The following EEFSEC variants were observed in gnomAD, a reference collection of about 807,000 sequenced individuals.
EEFSEC encodes eukaryotic elongation factor, selenocysteine-tRNA specific, also known as selenocysteine-specific elongation factor.
EEFSEC carries 43 observed loss-of-function variants against 42.1 expected under a neutral mutation model. That is an observed-to-expected ratio of 1.02 (90% CI 0.80 to 1.32). The LOEUF is 1.32. Among genes scored for constraint, EEFSEC ranks in the 40% most tolerant of loss-of-function variants. EEFSEC has a pLI of 0.00. For missense variants in EEFSEC, 745 were observed against 803.6 expected (o/e 0.93, Z 0.88); for synonymous variants, 354 against 339.1 (o/e 1.04, Z -0.48).
At chr3:128,257,407 C>T (rs1160051792) in intron 2 of EEFSEC, among the ~76,000 whole-genome samples, 1 of 152,160 alleles carries the variant, frequency 6.6e-6, no homozygotes, top group Non-Finnish European at 1.5e-5. Context: ...TATGTTCTGC[C>T]CAGCTCGTCT....
chr3:128,358,159 A>C, intron 5 of EEFSEC, 58 bp from the exon 6 acceptor site: 13 of 1,583,924 alleles, frequency 8.2e-6, no homozygotes, highest in East Asian at 2.3e-5. Flanking sequence ...ACACAGTCAC[A>C]GCTCTTTCAG....
intron 4 of EEFSEC, among the ~76,000 whole-genome samples, chr3:128,294,499 A>G (rs933402732): frequency 2.1e-4 from 32 of 152,234 alleles, no homozygotes; most frequent in African/African-American, 7.5e-4. Context: ...GGAGAGTTTC[A>G]GAAGTTGTGC....
intron 6 of EEFSEC, among the ~76,000 whole-genome samples, chr3:128,388,628 T>C (rs2067871001): frequency 6.6e-6 from 1 of 152,222 alleles, no homozygotes; most frequent in Non-Finnish European, 1.5e-5. Context: ...CACTGCTGTG[T>C]AAGGCCCATT....
At chr3:128,207,828 G>A (rs1355408023) in intron 1 of EEFSEC, among the ~76,000 whole-genome samples, 1 of 152,092 alleles carries the variant, frequency 6.6e-6, no homozygotes, top group Admixed American at 6.5e-5. Context: ...ACGGACCCCT[G>A]AGAATTTCTG....
chr3:128,332,104 T>C (rs1298162354), intron 4 of EEFSEC, among the ~76,000 whole-genome samples: 1 of 152,194 alleles, frequency 6.6e-6, no homozygotes, highest in African/African-American at 2.4e-5. Flanking sequence ...GAATACCATA[T>C]ATATGTTATT....
chr3:128,351,778 G>C (rs757193934), intron 5 of EEFSEC, among the ~76,000 whole-genome samples: 1 of 152,216 alleles, frequency 6.6e-6, no homozygotes, highest in Non-Finnish European at 1.5e-5. Flanking sequence ...ACTTCCATGT[G>C]CACAGTGACT....
rs556093695 is a variant in EEFSEC at position 128,303,943 on chromosome 3, A to G, written c.787-37290A>G. Among the ~76,000 whole-genome samples, 33 of 152,238 alleles carry G rather than the reference A, an allele frequency of 2.2e-4. 1 individual carries two copies. The highest frequency in any genetic ancestry group is 7.7e-4 in the African/African-American group (32 of 41,552). ...GTTGGTAATCCTTCTTTTACTCCCG[A>G]TTTAAAATGCTACCTTTGTTAAGAA... On this transcript the variant is annotated intron_variant, in intron 4 of 6. Coordinates refer to ENST00000254730, the MANE Select transcript of EEFSEC (RefSeq NM_021937.5).
chr3:128,338,307 G>A (rs2067212917), intron 4 of EEFSEC, among the ~76,000 whole-genome samples: 1 of 152,176 alleles, frequency 6.6e-6, no homozygotes, highest in African/African-American at 2.4e-5. Context: ...GGGGCAGGTG[G>A]GAATGCTGAG....
At chr3:128,374,129 G>A (rs2067684076) in intron 6 of EEFSEC, among the ~76,000 whole-genome samples, 1 of 152,238 alleles carries the variant, frequency 6.6e-6, no homozygotes, top group Non-Finnish European at 1.5e-5. Flanking sequence ...TGGAAACCAT[G>A]AGTATGAAGT....
intron 1 of EEFSEC, among the ~76,000 whole-genome samples, chr3:128,171,188 T>C (rs144937990): frequency 1.3e-5 from 2 of 152,282 alleles, no homozygotes; most frequent in African/African-American, 2.4e-5. Context: ...TCAGCATAGT[T>C]AAAATGACCT....
At chr3:128,272,290 G>A (rs2066422243) in intron 4 of EEFSEC, among the ~76,000 whole-genome samples, 1 of 152,232 alleles carries the variant, frequency 6.6e-6, no homozygotes, top group Non-Finnish European at 1.5e-5. Flanking sequence ...TCCCCTGGCA[G>A]CGGCTTGTTA....
At chr3:128,383,624 G>A (rs1161513888) in intron 6 of EEFSEC, among the ~76,000 whole-genome samples, 1 of 152,268 alleles carries the variant, frequency 6.6e-6, no homozygotes, top group Non-Finnish European at 1.5e-5. Context: ...GTTTCCTGGA[G>A]GAGGAGAGCA....
chr3:128,333,692 G>A lies in EEFSEC; in HGVS notation c.787-7541G>A, dbSNP rs143917981. 5.2e-3 allele frequency among the ~76,000 whole-genome samples: 793 copies of A among 152,282 alleles called. 3 individuals are homozygous for A. The highest frequency in any genetic ancestry group is 8.9e-3 in the Non-Finnish European group (608 of 68,022). On this transcript the variant is annotated intron_variant, in intron 4 of 6. Coordinates refer to ENST00000254730, the MANE Select transcript of EEFSEC (RefSeq NM_021937.5). ...TGCAGCTCGTGTGCACTTCAGTTGA[G>A]TGCCTACTATTTCATGCAAGATGCT...
chr3:128,292,230 G>A lies in EEFSEC; in HGVS notation c.786+27449G>A, dbSNP rs569496093. On this transcript the variant is annotated intron_variant, in intron 4 of 6. Transcript: ENST00000254730. The stretch of plus-strand genomic sequence containing the variant: ...TGCTGGATTTTGATTTTACATTTTA[G>A]CATTTTTTAATTCATTTTGAATTTA... 2.2e-4 allele frequency among the ~76,000 whole-genome samples: 34 copies of A among 151,792 alleles called. 1 individual carries two copies. The highest frequency in any genetic ancestry group is 7.7e-4 in the African/African-American group (32 of 41,422).
chr3:128,284,910 G>GTT (rs34887760), intron 4 of EEFSEC, among the ~76,000 whole-genome samples: 33 of 144,004 alleles, frequency 2.3e-4, no homozygotes, highest in African/African-American at 5.6e-4. Context: ...ATGCTTTAAC[G>GTT]TTTTTTTTTT....
chr3:128,182,312 CAA>C (rs34027926), intron 1 of EEFSEC, among the ~76,000 whole-genome samples: 83 of 109,004 alleles, frequency 7.6e-4, no homozygotes, highest in African/African-American at 1.1e-3. Flanking sequence ...AGTAACTATC[CAA>C]AAAAAAAAAA....
intron 4 of EEFSEC, among the ~76,000 whole-genome samples, chr3:128,331,549 C>G (rs1320329347): frequency 6.6e-6 from 1 of 151,530 alleles, no homozygotes; most frequent in Non-Finnish European, 1.5e-5. Context: ...CTTCCTTTCT[C>G]CCCTTCTCCT....
chr3:128,213,819 T>TA (rs1429840337), intron 1 of EEFSEC, among the ~76,000 whole-genome samples: 4 of 152,228 alleles, frequency 2.6e-5, no homozygotes, highest in African/African-American at 7.2e-5. Flanking sequence ...TTTTAGTATT[T>TA]AAAAAAAGTC....
Position 128,281,271 on chromosome 3 carries a change from G to A in EEFSEC, c.786+16490G>A, listed in dbSNP as rs115208153. On this transcript the variant is annotated intron_variant, in intron 4 of 6. Coordinates refer to ENST00000254730, the MANE Select transcript of EEFSEC (RefSeq NM_021937.5). ...AATGGTTTATAACATCCCTGGAGCT[G>A]GCCCCTAATTTGGCTCCTCCATGGC... Among the ~76,000 whole-genome samples the A allele has an allele frequency of 6.3e-3, 953 of 152,284 alleles. 5 individuals are homozygous for A. Among genetic ancestry groups the A allele is most frequent in the African/African-American group, 0.022 (902 of 41,556 alleles).
Sources: allele counts gnomAD v4.1 joint callset (sites outside exome capture counted in the v4.1 genomes callset), GRCh38; gene constraint gnomAD v4.1.1; transcripts MANE v1.5; gene names NCBI Gene and HGNC (gene_info 2026-07-23, HGNC 2026-07-21).